GOLGA5: variants seen among roughly 807,000 people sequenced by gnomAD.
The protein encoded by GOLGA5 is golgin subfamily A member 5.
GOLGA5 carries 50 observed loss-of-function variants against 93.5 expected under a neutral mutation model. That is an observed-to-expected ratio of 0.53 (90% confidence interval 0.43 to 0.68). The LOEUF is 0.68. Ranked by LOEUF, GOLGA5 falls within the 30% of genes least tolerant of loss-of-function variation. The pLI, the probability that GOLGA5 is intolerant of heterozygous loss-of-function variation, is 0.00. For synonymous variants in GOLGA5, 312 were observed against 304.5 expected (o/e 1.02, Z -0.26); for missense variants, 760 against 856.4 (o/e 0.89, Z 1.40).
chr14:92,798,136 T>A (rs958452364), intron 2 of GOLGA5, among the ~76,000 whole-genome samples, 155 bp downstream of exon 2: 2 of 152,224 alleles, frequency 1.3e-5, no homozygotes, highest in African/African-American at 4.8e-5. Context: ...AAGGGAGACA[T>A]CATTGACTAC....
intron 4 of GOLGA5, 134 bp downstream of exon 4, chr14:92,809,653 TGATTAAAATG>T: frequency 1.5e-6 from 1 of 654,748 alleles, no homozygotes; most frequent in Non-Finnish European, 2.7e-6. Flanking sequence ...GAAATGTGTA[TGATTAAAATG>T]GATTCATTGG....
chr14:92,814,253 C>T (rs1885158561), intron 6 of GOLGA5, among the ~76,000 whole-genome samples: 1 of 152,036 alleles, frequency 6.6e-6, no homozygotes, highest in Non-Finnish European at 1.5e-5. Flanking sequence ...AAAGGATAGC[C>T]TGCAAAAGAA....
intron 3 of GOLGA5, among the ~76,000 whole-genome samples, chr14:92,808,582 G>A (rs1239766565): frequency 6.6e-6 from 1 of 151,838 alleles, no homozygotes; most frequent in East Asian, 1.9e-4. Context: ...GGAGTTGGAG[G>A]TTGCAGTGAG....
chr14:92,812,050 T>C (rs940675112), intron 6 of GOLGA5, among the ~76,000 whole-genome samples: 1 of 152,210 alleles, frequency 6.6e-6, no homozygotes, highest in Non-Finnish European at 1.5e-5. Flanking sequence ...TTCTTCCTTG[T>C]TGATCTCCTA....
chr14:92,821,961 C>T (rs1331427114), intron 8 of GOLGA5, among the ~76,000 whole-genome samples: 1 of 152,132 alleles, frequency 6.6e-6, no homozygotes, highest in Admixed American at 6.5e-5. Context: ...TACCTCTTCC[C>T]AGTGCCTTTT....
chr14:92,810,898 T>C (rs1281214899), intron 5 of GOLGA5, among the ~76,000 whole-genome samples: 1 of 152,228 alleles, frequency 6.6e-6, no homozygotes, highest in African/African-American at 2.4e-5. Flanking sequence ...AGGGACTAGG[T>C]ATTGACACTT....
chr14:92,826,710 A>G (rs1054651115), intron 9 of GOLGA5, among the ~76,000 whole-genome samples: 1 of 151,658 alleles, frequency 6.6e-6, no homozygotes, highest in African/African-American at 2.4e-5. Context: ...AAAAAAAAAA[A>G]AGAAAAAAAA....
chr14:92,835,469 C>A, intron 10 of GOLGA5, 90 bp from the exon 11 acceptor site: 1 of 797,874 alleles, frequency 1.3e-6, no homozygotes, highest in Non-Finnish European at 2.0e-6. Flanking sequence ...CTTGAAAATT[C>A]CTTCCACATG....
At chr14:92,808,000 C>T (rs893467966) in intron 3 of GOLGA5, among the ~76,000 whole-genome samples, 2 of 151,388 alleles carry the variant, frequency 1.3e-5, no homozygotes, top group East Asian at 2.0e-4. Context: ...TTTGGGAGGC[C>T]GAGGCGGGCG....
intron 2 of GOLGA5, among the ~76,000 whole-genome samples, chr14:92,798,661 A>T (rs1294063240): frequency 6.6e-6 from 1 of 152,224 alleles, no homozygotes; most frequent in Non-Finnish European, 1.5e-5. Flanking sequence ...TACACCTGTA[A>T]TCCGAGCACT....
rs866798610 is a variant in GOLGA5, at chr14:92,816,437, G to A, written c.1491+16G>A. On this transcript the variant is annotated intron_variant, in intron 7 of 12. Coordinates refer to ENST00000163416, the MANE Select transcript of GOLGA5 (RefSeq NM_005113.4). The stretch of plus-strand genomic sequence containing the variant: ...CGAATTACAGGTAAGATTCATGGTG[G>A]TTCAGCTTAGTAGACACCATTTACC... 46 of 1,608,150 alleles carry A rather than the reference G, an allele frequency of 2.9e-5. 1 individual carries two copies. In the Middle Eastern group the frequency reaches 4.7e-3, roughly 165 times the overall value.
intron 3 of GOLGA5, among the ~76,000 whole-genome samples, chr14:92,808,123 A>G (rs1052319194): frequency 1.3e-5 from 2 of 152,104 alleles, no homozygotes; most frequent in Non-Finnish European, 2.9e-5. Context: ...TATTCCAGCT[A>G]CTCAGGAGGC....
chr14:92,796,284 G>A (rs1325155872), intron 1 of GOLGA5, among the ~76,000 whole-genome samples: 3 of 152,196 alleles, frequency 2.0e-5, no homozygotes, highest in Non-Finnish European at 4.4e-5. Context: ...GTTATTTGCT[G>A]TTTGGATGTT....
At chr14:92,822,656 CA>C (rs1885338852) in intron 8 of GOLGA5, among the ~76,000 whole-genome samples, 1 of 152,030 alleles carries the variant, frequency 6.6e-6, no homozygotes, top group African/African-American at 2.4e-5. Flanking sequence ...GTTTTGTTGC[CA>C]TGCAGAAGTT....
intron 2 of GOLGA5, among the ~76,000 whole-genome samples, chr14:92,800,843 TAGAA>T (rs1302255844): frequency 6.6e-6 from 1 of 152,218 alleles, no homozygotes; most frequent in Non-Finnish European, 1.5e-5. Context: ...TGCATTTAAT[TAGAA>T]AGAATGGACC....
Position 92,824,536 on chromosome 14 carries a change from C to T in GOLGA5, c.1621-10C>T, listed in dbSNP as rs746847589. ...TTTCGCTTCTGTTTTGTTTGTGCCT[C>T]ACTTTGCAGGAGTTCCACTATATAG... On this transcript the variant is annotated splice_polypyrimidine_tract_variant and intron_variant, in intron 8 of 12. Transcript: ENST00000163416. The T allele has an allele frequency of 6.9e-7, 1 of 1,455,892 alleles. No homozygotes were observed. The allele number at this position is 1,455,892 out of a possible 1,614,324, so 90.2% of individuals were successfully genotyped here. A position where few individuals can be genotyped will look rare whatever the true frequency, so the allele number is the denominator to read the frequency against.
At position 92,811,731 on chromosome 14, in the gene GOLGA5, C is replaced by A. The variant is rs771676445; in HGVS notation, c.1297C>A (p.Gln433Lys). The A allele has an allele frequency of 1.2e-6, 2 of 1,610,076 alleles. No homozygotes were observed. The highest frequency in any genetic ancestry group is 1.7e-6 in the Non-Finnish European group (2 of 1,177,010). ...SSKQELIDYK[Q>K]KATRILQSKE... ...TAAGCAGGAATTAATTGACTACAAGCAAAAAGCTACTAGAATACTGCAAGT... is the reference window on the plus strand; with the variant it reads ...TAAGCAGGAATTAATTGACTACAAGAAAAAAGCTACTAGAATACTGCAAGT... Residue 433 changes from glutamine (Q) to lysine (K), a missense_variant, in exon 6 of 13, where the codon CAA becomes AAA. Coordinates refer to ENST00000163416, the MANE Select transcript of GOLGA5 (RefSeq NM_005113.4).
Position 92,809,382 on chromosome 14 carries a change from C to T in GOLGA5, c.855C>T (p.Ala285=), listed in dbSNP as rs778462173. 1.9e-6 allele frequency: 3 copies of T among 1,613,328 alleles called. No homozygotes were observed. The highest frequency in any genetic ancestry group is 2.5e-6 in the Non-Finnish European group (3 of 1,179,386). ...KSDRMTRGLR[A]QVDDLTEAVA... ...ATCGAATGACTCGAGGACTCCGAGC[C>T]CAAGTAGATGACCTGACTGAAGCTG... Residue 285 remains alanine, a synonymous_variant, in exon 4 of 13, where the codon GCC becomes GCT. Transcript: ENST00000163416.
chr14:92,825,653 C>T (rs533006102), intron 9 of GOLGA5, among the ~76,000 whole-genome samples: 66 of 152,164 alleles, frequency 4.3e-4, no homozygotes, highest in African/African-American at 1.3e-3. Context: ...TTCAGCTCAG[C>T]AGTTTGAGAC....
Sources: gnomAD v4.1 joint callset for allele counts (sites outside exome capture counted in the v4.1 genomes callset) on GRCh38, gnomAD v4.1.1 for gene constraint, MANE v1.5 for transcripts, NCBI Gene and HGNC (gene_info 2026-07-23, HGNC 2026-07-21) for gene names.